TMEM39B: variants seen among roughly 807,000 people sequenced by gnomAD.
The protein encoded by TMEM39B is transmembrane protein 39B.
TMEM39B carries 23 observed loss-of-function variants against 52.2 expected under a neutral mutation model. That is an observed-to-expected ratio of 0.44 (90% CI 0.32 to 0.62). The LOEUF (loss-of-function observed/expected upper bound fraction) is 0.62, where lower values mean the gene tolerates loss of function less well. TMEM39B is among the 20% of genes least tolerant of loss of function. The pLI is 0.06. For missense variants in TMEM39B, 547 were observed against 642.0 expected (o/e 0.85, Z 1.60); for synonymous variants, 285 against 264.0 (o/e 1.08, Z -0.77).
chr1:32,100,848 T>C (rs764758348), intron 8 of TMEM39B: 22 of 365,112 alleles, frequency 6.0e-5, no homozygotes, highest in Non-Finnish European at 1.1e-4. Flanking sequence ...CTGGTCAACA[T>C]GGTGAAACCT....
chr1:32,092,790 C>T (rs1345152769), intron 6 of TMEM39B, among the ~76,000 whole-genome samples: 1 of 152,148 alleles, frequency 6.6e-6, no homozygotes, highest in Non-Finnish European at 1.5e-5. Context: ...CACACCCCAG[C>T]CTGTGTCCAT....
At chr1:32,088,766 ATTCT>A (rs1290373425) in intron 5 of TMEM39B, among the ~76,000 whole-genome samples, 1 of 152,054 alleles carries the variant, frequency 6.6e-6, no homozygotes, top group Non-Finnish European at 1.5e-5. Context: ...AGCCAGCGAG[ATTCT>A]TTAAGTTTAA....
intron 3 of TMEM39B, 91 bp downstream of exon 3, chr1:32,075,913 A>G (rs1569856291): frequency 1.1e-6 from 1 of 887,374 alleles, no homozygotes; most frequent in African/African-American, 1.7e-5. Context: ...AGTTTAGCAT[A>G]TCCTACTAAG....
intron 7 of TMEM39B, among the ~76,000 whole-genome samples, chr1:32,096,667 G>A (rs1196605801): frequency 6.6e-6 from 1 of 151,976 alleles, no homozygotes; most frequent in Non-Finnish European, 1.5e-5. Flanking sequence ...CACCATGTTA[G>A]CGAGGCTGGT....
intron 3 of TMEM39B, chr1:32,076,239 G>A (rs181192635): frequency 5.1e-4 from 109 of 212,294 alleles, no homozygotes; most frequent in Non-Finnish European, 6.6e-4. Context: ...AGTCTCCCGA[G>A]TAGCTGGGAT....
At chr1:32,101,716 G>A (rs1357799731) in intron 8 of TMEM39B, among the ~76,000 whole-genome samples, 1 of 152,098 alleles carries the variant, frequency 6.6e-6, no homozygotes, top group African/African-American at 2.4e-5. Flanking sequence ...CTGATATCCT[G>A]GTCTCTTGGC....
intron 7 of TMEM39B, among the ~76,000 whole-genome samples, chr1:32,098,108 T>C (rs558525531): frequency 1.3e-5 from 2 of 152,204 alleles, no homozygotes; most frequent in South Asian, 4.1e-4. Flanking sequence ...GCGATTCTCC[T>C]GCCTCAGCTT....
Position 32,075,001 on chromosome 1 carries a change from G to A in TMEM39B, c.55G>A (p.Glu19Lys). ...RTSYCRNPLC[E>K]PGSSGGSSGS... is the part of the protein sequence containing the mutation. ...ATCTTACTGTCGAAATCCGCTCTGTGAGCCGGGATCCTCGGGGGGCTCTAG... is the reference window on the plus strand; with the variant it reads ...ATCTTACTGTCGAAATCCGCTCTGTAAGCCGGGATCCTCGGGGGGCTCTAG... The change falls in exon 2 of 9, where the codon GAG becomes AAG. Residue 19 changes from glutamate (E) to lysine (K), a missense_variant. Transcript: ENST00000336294. The A allele has an allele frequency of 1.3e-6, 2 of 1,551,618 alleles. No homozygotes were observed. Among genetic ancestry groups the A allele is most frequent in the Non-Finnish European group, 1.7e-6 (2 of 1,146,964 alleles).
rs1335654441 is a variant in TMEM39B, at chr1:32,100,114, A to T, written c.1116-328A>T. Among the ~76,000 whole-genome samples the T allele has an allele frequency of 3.3e-5, 5 of 152,172 alleles. No homozygotes were observed. In the East Asian group the frequency reaches 9.6e-4, roughly 29 times the overall value. ...AGGCTGAGCTTAGTATTTTACAAAG[A>T]CCACTCAGACAACTGTGTGGTGGAC... On this transcript the variant is annotated intron_variant, in intron 7 of 8. Transcript: ENST00000336294.
At chr1:32,099,162 A>G (rs1640923322) in intron 7 of TMEM39B, among the ~76,000 whole-genome samples, 1 of 151,576 alleles carries the variant, frequency 6.6e-6, no homozygotes, top group Non-Finnish European at 1.5e-5. Flanking sequence ...ACTTGAACCC[A>G]GGAGGTGGAG....
At chr1:32,076,691 G>C (rs1209655705) in intron 3 of TMEM39B, 72 bp from the exon 4 acceptor site, 1 of 1,425,908 alleles carries the variant, frequency 7.0e-7, no homozygotes, top group East Asian at 2.3e-5. Context: ...TGGGCAGCGG[G>C]AGGTGGGTAT....
chr1:32,076,381 G>T (rs1363028752), intron 3 of TMEM39B: 3 of 355,240 alleles, frequency 8.4e-6, no homozygotes, highest in Non-Finnish European at 1.1e-5. Flanking sequence ...AAAGTGCTGG[G>T]ATTACAGGCG....
intron 6 of TMEM39B, among the ~76,000 whole-genome samples, chr1:32,094,449 A>T (rs1158974528): frequency 1.3e-5 from 2 of 152,022 alleles, no homozygotes; most frequent in Non-Finnish European, 2.9e-5. Flanking sequence ...TCCTCATTTG[A>T]CAGATGAGGA....
intron 5 of TMEM39B, among the ~76,000 whole-genome samples, chr1:32,089,131 AT>A (rs746806785): frequency 2.5e-3 from 321 of 130,196 alleles, no homozygotes; most frequent in Admixed American, 3.1e-3. Context: ...AGAGCTGGGA[AT>A]TTTTTTTTTT....
Position 32,075,832 on chromosome 1 carries a change from C to A in TMEM39B, c.351+10C>A, listed in dbSNP as rs578206855. 1 of 1,454,876 alleles carries A rather than the reference C, an allele frequency of 6.9e-7. No homozygotes were observed. Among genetic ancestry groups the A allele is most frequent in the Admixed American group, 2.0e-5 (1 of 49,188 alleles). 90.1% of individuals were successfully genotyped at this position (1,454,876 alleles called of 1,614,324 possible). On this transcript the variant is annotated intron_variant, in intron 3 of 8. Transcript: ENST00000336294. The stretch of plus-strand genomic sequence containing the variant: ...CTCCCACACCTCCCTGGTAGGTACC[C>A]AACAAGGGTGTGTGTGTGTGTGTGT...
intron 7 of TMEM39B, among the ~76,000 whole-genome samples, chr1:32,096,653 G>A (rs917313374): frequency 6.6e-6 from 1 of 151,926 alleles, no homozygotes; most frequent in African/African-American, 2.4e-5. Context: ...TAGAGATGGG[G>A]TTTCACCATG....
chr1:32,081,284 G>A (rs1228744653), intron 5 of TMEM39B, among the ~76,000 whole-genome samples: 2 of 148,982 alleles, frequency 1.3e-5, no homozygotes, highest in Non-Finnish European at 3.0e-5. Flanking sequence ...TGAGTGACAA[G>A]ACCCTGAGTC....
At chr1:32,076,496 C>A in intron 3 of TMEM39B, 1 of 590,042 alleles carries the variant, frequency 1.7e-6, no homozygotes, top group Admixed American at 2.4e-5. Flanking sequence ...TCAGTGCAGA[C>A]ACAGTATAGG....
rs1249477809 is a variant in TMEM39B at position 32,075,690 on chromosome 1, A to C, written c.219A>C (p.Pro73=). ...PLQHCKIPEL[P]VQASILFELQ... ...AGCACTGCAAGATCCCCGAGCTGCCAGTCCAGGCCAGCATTCTGTTTGAGT... is the reference window on the plus strand; with the variant it reads ...AGCACTGCAAGATCCCCGAGCTGCCCGTCCAGGCCAGCATTCTGTTTGAGT... Residue 73 remains proline, a synonymous_variant, in exon 3 of 9, where the codon CCA becomes CCC. Transcript: ENST00000336294. 13 of 1,551,736 alleles carry C rather than the reference A, an allele frequency of 8.4e-6. No homozygotes were observed. The highest frequency in any genetic ancestry group is 1.1e-5 in the Non-Finnish European group (13 of 1,147,044).
Sources: allele counts gnomAD v4.1 joint callset (sites outside exome capture counted in the v4.1 genomes callset), GRCh38; gene constraint gnomAD v4.1.1; transcripts MANE v1.5; gene names NCBI Gene and HGNC (gene_info 2026-07-23, HGNC 2026-07-21).